Variants in TRERF1 observed in about 807,000 individuals in gnomAD.
TRERF1 encodes the protein transcriptional-regulating factor 1.
In TRERF1, 27 loss-of-function variants were observed where a neutral mutation model predicts 122.9. That is an observed-to-expected ratio of 0.22 (90% CI 0.16 to 0.30). The LOEUF is 0.30. TRERF1 is among the 10% of genes least tolerant of loss of function. The pLI is 1.00. For missense variants in TRERF1, 1,248 were observed against 1,560.3 expected, an observed-to-expected ratio of 0.80 and a Z score of 3.37; for synonymous variants, 636 against 641.7, an observed-to-expected ratio of 0.99 and a Z score of 0.13.
At chr6:42,359,064 C>T (rs1478129697) in intron 3 of TRERF1, among the ~76,000 whole-genome samples, 1 of 152,186 alleles carries the variant, frequency 6.6e-6, no homozygotes, top group Non-Finnish European at 1.5e-5. Flanking sequence ...ATGCTCACCC[C>T]TCCATCGTCA....
chr6:42,339,524 C>A (rs1766847376), intron 3 of TRERF1, among the ~76,000 whole-genome samples: 1 of 152,202 alleles, frequency 6.6e-6, no homozygotes, highest in Admixed American at 6.5e-5. Flanking sequence ...ACGAATTGTA[C>A]CCAAAGCTGC....
At chr6:42,420,980 T>C (rs1782674475) in intron 2 of TRERF1, among the ~76,000 whole-genome samples, 1 of 152,238 alleles carries the variant, frequency 6.6e-6, no homozygotes, top group Admixed American at 6.5e-5. Flanking sequence ...CATCCACGGT[T>C]CTTCCTACAG....
At chr6:42,431,972 A>T (rs192923775) in intron 2 of TRERF1, among the ~76,000 whole-genome samples, 2 of 152,386 alleles carry the variant, frequency 1.3e-5, no homozygotes, top group African/African-American at 4.8e-5. Context: ...AAGTGATAAT[A>T]AATGAGAACG....
chr6:42,225,934 G>A (rs1301895878), exon 18 of TRERF1: 1 of 152,114 alleles, frequency 6.6e-6, no homozygotes, highest in East Asian at 1.9e-4. Context: ...CAGTAACCGA[G>A]TTGAGACATT....
chr6:42,427,339 C>T (rs1022957392), intron 2 of TRERF1, among the ~76,000 whole-genome samples: 3 of 152,120 alleles, frequency 2.0e-5, no homozygotes, highest in Non-Finnish European at 4.4e-5. Context: ...CTCACTGCAG[C>T]CTCAAACACC....
chr6:42,263,554 C>A lies in TRERF1; in HGVS notation c.1650G>T (p.Lys550Asn). 1 of 1,538,978 alleles carries A rather than the reference C, an allele frequency of 6.5e-7. No individual in the cohort carries two copies. The highest frequency in any genetic ancestry group is 8.8e-7 in the Non-Finnish European group (1 of 1,142,340). ...GTGGCTGGGGCTGAGGCGGCAGGAC[C>A]TTCTCTCCTTCCTCCTACACAGACA... is the stretch of plus-strand genomic sequence containing the variant. Residue 550 changes from lysine to asparagine, a missense_variant, in exon 8 of 18, where the codon AAG (lysine) becomes AAT (asparagine). By Grantham distance (94) the Lys-to-Asn change is moderately conservative. Coordinates refer to ENST00000372922, the Ensembl canonical transcript of TRERF1. The surrounding 1 kb of genome is among the most constrained non-coding windows in gnomAD (Gnocchi z 5.6).
At position 42,306,915 on chromosome 6, in the gene TRERF1, G is replaced by A. The variant is rs540357153; in HGVS notation, c.-370-6166C>T. ...CCGCTGTGTCTAATGGCCTGGCACAGCAGTCAATCCTGATTACACATCAGA... is the reference window on the plus strand; with the variant it reads ...CCGCTGTGTCTAATGGCCTGGCACAACAGTCAATCCTGATTACACATCAGA... On this transcript the variant is annotated intron_variant, in intron 3 of 17. Transcript: ENST00000372922. Among the ~76,000 whole-genome samples the A allele has an allele frequency of 5.9e-5, 9 of 152,318 alleles. No homozygotes were observed. The South Asian group carries it at 1.7e-3, about 28-fold the overall frequency.
At chr6:42,297,303 C>T (rs969792172) in intron 4 of TRERF1, among the ~76,000 whole-genome samples, 8 of 152,210 alleles carry the variant, frequency 5.3e-5, no homozygotes, top group Non-Finnish European at 1.2e-4. Flanking sequence ...ACTGAATACA[C>T]ATTGCTGAGA....
chr6:42,292,582 T>G (rs1031927019), intron 4 of TRERF1, among the ~76,000 whole-genome samples: 1 of 152,176 alleles, frequency 6.6e-6, no homozygotes, highest in East Asian at 1.9e-4. Flanking sequence ...CCTACAAGTC[T>G]ACACTGGTCA....
At chr6:42,346,204 C>T (rs1006077373) in intron 3 of TRERF1, among the ~76,000 whole-genome samples, 1 of 152,178 alleles carries the variant, frequency 6.6e-6, no homozygotes, top group African/African-American at 2.4e-5. Flanking sequence ...GGAGGTGGAC[C>T]TCAGCACCTG....
At chr6:42,394,810 G>A (rs1778304242) in intron 2 of TRERF1, among the ~76,000 whole-genome samples, 1 of 151,952 alleles carries the variant, frequency 6.6e-6, no homozygotes, top group African/African-American at 2.4e-5. Context: ...GAAAAGGAAA[G>A]GAGGGGGAAA....
In TRERF1 at chr6:42,263,097, G is replaced by C. The variant is rs957310584; in HGVS notation, c.1884+223C>G. 6.6e-6 allele frequency among the ~76,000 whole-genome samples: 1 copy of C among 152,242 alleles called. No individual in the cohort carries two copies. Among genetic ancestry groups the C allele is most frequent in the Non-Finnish European group, 1.5e-5 (1 of 68,040 alleles). Reference sequence around the variant, plus strand: ...TTAGTTTGGCATTTAATGGGGAGCAGGCAGTGTGAACAAGGGTAGGGTTCC... The same window carrying C: ...TTAGTTTGGCATTTAATGGGGAGCACGCAGTGTGAACAAGGGTAGGGTTCC... On this transcript the variant is annotated intron_variant, in intron 8 of 17. Coordinates refer to ENST00000372922, the Ensembl canonical transcript of TRERF1. The surrounding 1 kb of genome is among the most constrained non-coding windows in gnomAD (Gnocchi z 5.6).
At chr6:42,408,227 A>ATATATATATATATATG (rs150915297) in intron 2 of TRERF1, among the ~76,000 whole-genome samples, 12 of 116,702 alleles carry the variant, frequency 1.0e-4, no homozygotes, top group Non-Finnish European at 1.7e-4. Context: ...ATATATATAT[A>ATATATATATATATATG]TGTGTGTGTG....
chr6:42,319,988 G>A (rs1050971420), intron 3 of TRERF1, among the ~76,000 whole-genome samples: 7 of 151,338 alleles, frequency 4.6e-5, no homozygotes, highest in Non-Finnish European at 7.4e-5. Flanking sequence ...TGCAACCTCT[G>A]CCTCCTGGGT....
At chr6:42,427,753 T>G (rs999657346) in intron 2 of TRERF1, among the ~76,000 whole-genome samples, 3 of 152,006 alleles carry the variant, frequency 2.0e-5, no homozygotes, top group Admixed American at 2.0e-4. Flanking sequence ...TCTTCCTATG[T>G]TGCCCAGGCT....
At chr6:42,436,051 T>C (rs1785294809) in intron 2 of TRERF1, among the ~76,000 whole-genome samples, 1 of 152,052 alleles carries the variant, frequency 6.6e-6, no homozygotes. Context: ...CATAAATATC[T>C]GTTGAACATA....
chr6:42,231,688 A>G (rs987009737), intron 17 of TRERF1, among the ~76,000 whole-genome samples: 3 of 152,220 alleles, frequency 2.0e-5, no homozygotes, highest in African/African-American at 7.2e-5. Context: ...ACTCATTGAG[A>G]AGTACACTGG....
intron 2 of TRERF1, among the ~76,000 whole-genome samples, chr6:42,402,732 T>C (rs1779572757): frequency 6.6e-6 from 1 of 152,174 alleles, no homozygotes; most frequent in African/African-American, 2.4e-5. Flanking sequence ...TCAGACACCA[T>C]GCTAAGTGCC....
intron 4 of TRERF1, among the ~76,000 whole-genome samples, chr6:42,282,651 G>A (rs1182303190): frequency 6.6e-6 from 1 of 152,152 alleles, no homozygotes; most frequent in Non-Finnish European, 1.5e-5. Context: ...AAGGTTAAGT[G>A]AAAAAGAAAG....
Sources: gnomAD v4.1 joint callset for allele counts (sites outside exome capture counted in the v4.1 genomes callset) on GRCh38, gnomAD v4.1.1 for gene constraint, Gnocchi (gnomAD v3.1) non-coding constraint, MANE v1.5 for transcripts, NCBI Gene and HGNC (gene_info 2026-07-23, HGNC 2026-07-21) for gene names.